Variants in ATP8B4 observed in about 807,000 individuals in gnomAD.
ATP8B4 encodes the protein probable phospholipid-transporting ATPase IM.
ATP8B4 carries 133 observed loss-of-function variants against 145.6 expected under a neutral mutation model. That is an observed-to-expected ratio of 0.91 (90% CI 0.79 to 1.05). ATP8B4 has a LOEUF of 1.05. ATP8B4 is among the 50% of genes least tolerant of loss of function. The pLI is 0.00. For missense variants in ATP8B4, 1,458 were observed against 1,425.2 expected (o/e 1.02, Z -0.37); for synonymous variants, 507 against 492.9 (o/e 1.03, Z -0.38).
At chr15:50,063,719 C>T (rs1443458715) in intron 3 of ATP8B4, among the ~76,000 whole-genome samples, 2 of 151,982 alleles carry the variant, frequency 1.3e-5, no homozygotes, top group African/African-American at 2.4e-5. Flanking sequence ...TTGGAGGAAC[C>T]CACTTGAAGA....
At chr15:49,911,042 C>T (rs2039173832) in intron 20 of ATP8B4, among the ~76,000 whole-genome samples, 1 of 151,728 alleles carries the variant, frequency 6.6e-6, no homozygotes, top group Admixed American at 6.6e-5. Context: ...ACTACTGACA[C>T]AAAAATATAT....
At chr15:49,969,024 A>T (rs1398263480) in intron 13 of ATP8B4, among the ~76,000 whole-genome samples, 1 of 152,210 alleles carries the variant, frequency 6.6e-6, no homozygotes, top group Middle Eastern at 3.4e-3. Flanking sequence ...CTGAATGACT[A>T]CTAGGTAAAT....
intron 3 of ATP8B4, among the ~76,000 whole-genome samples, chr15:50,071,120 G>A (rs755738280): frequency 6.6e-6 from 1 of 152,176 alleles, no homozygotes; most frequent in African/African-American, 2.4e-5. Context: ...CTACTGCCTT[G>A]TGATTGTTAG....
chr15:49,946,849 G>A lies in ATP8B4; in HGVS notation c.1288-12667C>T, dbSNP rs554380960. ...AACACAAGGCCTAGCTCCCAGCACCGGGACAATGGTCAGCCAGGCATAAAC... is the reference window on the plus strand; with the variant it reads ...AACACAAGGCCTAGCTCCCAGCACCAGGACAATGGTCAGCCAGGCATAAAC... On this transcript the variant is annotated intron_variant, in intron 14 of 27. Coordinates refer to ENST00000284509, the MANE Select transcript of ATP8B4 (RefSeq NM_024837.4). Among the ~76,000 whole-genome samples the A allele has an allele frequency of 7.9e-5, 12 of 152,280 alleles. No homozygotes were observed. The South Asian group carries it at 1.0e-3, about 13-fold the overall frequency.
upstream of ATP8B4, among the ~76,000 whole-genome samples, chr15:50,121,826 G>A (rs1158065630): frequency 6.6e-6 from 1 of 152,086 alleles, no homozygotes; most frequent in East Asian, 1.9e-4. Flanking sequence ...CTTTATGTCT[G>A]TAGTCTAGAG....
intron 14 of ATP8B4, among the ~76,000 whole-genome samples, chr15:49,957,239 T>C (rs1567076218): frequency 6.6e-6 from 1 of 152,100 alleles, no homozygotes; most frequent in Admixed American, 6.5e-5. Flanking sequence ...ATTGTTCATA[T>C]TAGGAAATTG....
At chr15:50,073,812 G>T (rs1329500967) in intron 3 of ATP8B4, among the ~76,000 whole-genome samples, 1 of 152,116 alleles carries the variant, frequency 6.6e-6, no homozygotes, top group African/African-American at 2.4e-5. Context: ...TACCAAAAAG[G>T]TCCATTTTCA....
intron 25 of ATP8B4, among the ~76,000 whole-genome samples, chr15:49,869,453 T>C (rs2033348812): frequency 6.6e-6 from 1 of 151,032 alleles, no homozygotes; most frequent in African/African-American, 2.4e-5. Flanking sequence ...AAATGTAAAC[T>C]AAAAAAAAGC....
chr15:49,971,881 T>C (rs2045172861), intron 13 of ATP8B4, among the ~76,000 whole-genome samples: 1 of 152,138 alleles, frequency 6.6e-6, no homozygotes, highest in South Asian at 2.1e-4. Context: ...CAAATGCCCA[T>C]CAGTGATAGA....
At chr15:49,938,024 G>T (rs747489891) in intron 14 of ATP8B4, among the ~76,000 whole-genome samples, 3 of 152,128 alleles carry the variant, frequency 2.0e-5, no homozygotes, top group Admixed American at 6.6e-5. Flanking sequence ...CGTTGGACCC[G>T]GGGGAAGGAA....
intron 6 of ATP8B4, among the ~76,000 whole-genome samples, chr15:50,017,726 G>A (rs761085589): frequency 1.5e-4 from 23 of 152,148 alleles, no homozygotes; most frequent in Non-Finnish European, 3.1e-4. Context: ...CAGACAAAGC[G>A]AAAGTGTTGC....
At chr15:50,155,618 A>T (rs1440646367) in intron 1 of ATP8B4, among the ~76,000 whole-genome samples, 2 of 152,182 alleles carry the variant, frequency 1.3e-5, no homozygotes, top group Admixed American at 6.5e-5. Context: ...AAGCCAATTT[A>T]AATAGAATTT....
chr15:50,061,696 T>C (rs550039272), intron 3 of ATP8B4, among the ~76,000 whole-genome samples: 3 of 152,320 alleles, frequency 2.0e-5, no homozygotes, highest in East Asian at 1.9e-4. Context: ...TGACTGGCAC[T>C]TGGCTTTTTG....
chr15:50,106,593 G>C (rs1314161582), intron 2 of ATP8B4, among the ~76,000 whole-genome samples: 2 of 152,186 alleles, frequency 1.3e-5, no homozygotes, highest in Non-Finnish European at 2.9e-5. Flanking sequence ...ACCTTATGCT[G>C]AGCAAAAGCA....
Position 50,106,937 on chromosome 15 carries a change from A to T in ATP8B4, c.28+2T>A. The T allele has an allele frequency of 6.3e-7, 1 of 1,597,628 alleles. No individual in the cohort carries two copies. On this transcript the variant is annotated splice_donor_variant, in intron 2 of 27. Transcript: ENST00000284509. LOFTEE classifies it high-confidence loss of function. ...GCATCATTGGAAGAACTCAAAACTTACCACGCAATTTCTTTTCACTGCAGA... is the reference window on the plus strand; with the variant it reads ...GCATCATTGGAAGAACTCAAAACTTTCCACGCAATTTCTTTTCACTGCAGA...
chr15:49,990,733 GAGAAGC>G (rs1300847056), intron 9 of ATP8B4, among the ~76,000 whole-genome samples: 8 of 152,248 alleles, frequency 5.3e-5, no homozygotes, highest in Non-Finnish European at 1.0e-4. Context: ...TGATTTTCCA[GAGAAGC>G]TGGCTTCATC....
At chr15:49,915,255 A>T (rs956394575) in intron 20 of ATP8B4, among the ~76,000 whole-genome samples, 12 of 152,124 alleles carry the variant, frequency 7.9e-5, no homozygotes, top group Admixed American at 3.3e-4. Flanking sequence ...AAACTAAAAA[A>T]GTTGATCTCA....
intron 1 of ATP8B4, among the ~76,000 whole-genome samples, chr15:50,157,599 T>C (rs182651119): frequency 5.3e-5 from 8 of 152,364 alleles, no homozygotes; most frequent in African/African-American, 1.9e-4. Context: ...TCAGGATAGC[T>C]TTTGTGGTTC....
chr15:49,906,738 A>C (rs753986592), intron 20 of ATP8B4, among the ~76,000 whole-genome samples: 1 of 152,212 alleles, frequency 6.6e-6, no homozygotes, highest in African/African-American at 2.4e-5. Flanking sequence ...ATAAACTTTA[A>C]ATGAGTCAAG....
Sources: gnomAD v4.1 joint callset for allele counts (sites outside exome capture counted in the v4.1 genomes callset) on GRCh38, gnomAD v4.1.1 for gene constraint, MANE v1.5 for transcripts, NCBI Gene and HGNC (gene_info 2026-07-23, HGNC 2026-07-21) for gene names.